ALX3: variants seen among roughly 807,000 people sequenced by gnomAD.
ALX3 encodes the protein ALX homeobox 3.
A neutral mutation model predicts 26.3 loss-of-function variants in ALX3; 17 were observed. The ratio of observed to expected loss-of-function variants is 0.65; its 90% CI spans 0.44 to 0.97. The LOEUF is 0.97. ALX3 is among the 50% of genes least tolerant of loss of function. The pLI, the probability that ALX3 is intolerant of heterozygous loss-of-function variation, is 0.00. For missense variants in ALX3, 461 were observed against 466.5 expected, an observed-to-expected ratio of 0.99 and a Z score of 0.11; for synonymous variants, 208 against 201.4, an observed-to-expected ratio of 1.03 and a Z score of -0.28.
intron 1 of ALX3, among the ~76,000 whole-genome samples, chr1:110,067,988 T>C: frequency 7.1e-6 from 1 of 140,536 alleles, no homozygotes; most frequent in Admixed American, 7.2e-5. Flanking sequence ...GCCGAGGGCG[T>C]GTTTCGACGT....
At chr1:110,062,803 C>A (rs889457279) in intron 2 of ALX3, among the ~76,000 whole-genome samples, 5 of 152,160 alleles carry the variant, frequency 3.3e-5, no homozygotes, top group African/African-American at 1.2e-4. Context: ...GCAGCAAGGT[C>A]AGCAAAAGGC....
At chr1:110,062,796 G>A (rs1221386268) in intron 2 of ALX3, among the ~76,000 whole-genome samples, 2 of 152,108 alleles carry the variant, frequency 1.3e-5, no homozygotes, top group African/African-American at 2.4e-5. Context: ...CAGGCCTGCA[G>A]CAAGGTCAGC....
chr1:110,070,626 G>A lies in ALX3; in HGVS notation c.-14C>T, dbSNP rs1653897867. ...CTCGGGGTCCATGCCGGCTCAGGGC[G>A]CACAGGCCTCCGGGGCTCCGGGGCT... On this transcript the variant is annotated 5_prime_UTR_variant, in exon 1 of 4. Transcript: ENST00000647563. 1.6e-6 allele frequency: 2 copies of A among 1,219,580 alleles called. No homozygotes were observed. The highest frequency in any genetic ancestry group is 8.7e-5 in the Admixed American group (2 of 23,042). 75.5% of individuals were successfully genotyped at this position (1,219,580 alleles called of 1,614,324 possible). A position where few individuals can be genotyped will look rare whatever the true frequency, so the allele number is the denominator to read the frequency against.
intron 1 of ALX3, 110 bp downstream of exon 1, chr1:110,070,226 A>T: frequency 1.7e-6 from 2 of 1,186,420 alleles, no homozygotes; most frequent in Non-Finnish European, 2.1e-6. Flanking sequence ...AGGGGCAAAA[A>T]GTTGAGAAAT....
At chr1:110,066,369 T>C (rs1224652391) in intron 1 of ALX3, among the ~76,000 whole-genome samples, 1 of 152,186 alleles carries the variant, frequency 6.6e-6, no homozygotes, top group African/African-American at 2.4e-5. Flanking sequence ...AGCCCACAGC[T>C]ACAGCCCAGG....
chr1:110,061,719 G>T lies in ALX3; in HGVS notation c.595-156C>A, dbSNP rs998772057. On this transcript the variant is annotated intron_variant, in intron 2 of 3. Coordinates refer to ENST00000647563, the MANE Select transcript of ALX3 (RefSeq NM_006492.3). ...TTAATCCACACTGTTCTCCAGGCCAGGGAAGCCTGGGAGGAAGCCTGGGAG... is the reference window on the plus strand; with the variant it reads ...TTAATCCACACTGTTCTCCAGGCCATGGAAGCCTGGGAGGAAGCCTGGGAG... 6 of 1,209,624 alleles carry T rather than the reference G, an allele frequency of 5.0e-6. No homozygotes were observed. In the African/African-American group the frequency reaches 9.1e-5, roughly 18 times the overall value. 74.9% of individuals were successfully genotyped at this position (1,209,624 alleles called of 1,614,324 possible).
At position 110,064,634 on chromosome 1, in the gene ALX3, G is replaced by A. The variant is rs121908168; in HGVS notation, c.547C>T (p.Arg183Trp). Residue 183 changes from arginine to tryptophan, a missense_variant, in exon 2 of 4, where the codon CGG becomes TGG. Physicochemically the swap from Arg to Trp is moderately radical, Grantham distance 101. Coordinates refer to ENST00000647563, the MANE Select transcript of ALX3 (RefSeq NM_006492.3). ...TCTGTGCGCAGGGCCAGCTGCTCCC[G>A]GGCATACACATCAGGATAGTGGGTT... ...QKTHYPDVYA[R>W]EQLALRTDLT... 4.3e-6 allele frequency: 7 copies of A among 1,614,116 alleles called. No homozygotes were observed. Among genetic ancestry groups the A allele is most frequent in the East Asian group, 2.2e-5 (1 of 44,880 alleles).
chr1:110,060,798 G>A lies in ALX3; in HGVS notation c.967C>T (p.Pro323Ser). 1 of 1,613,760 alleles carries A rather than the reference G, an allele frequency of 6.2e-7. No individual in the cohort carries two copies. The highest frequency in any genetic ancestry group is 8.5e-7 in the Non-Finnish European group (1 of 1,179,844). Reference protein sequence around the residue: ...EPSSDGDYKSPSLVSLRVKPK... With the variant: ...EPSSDGDYKSSSLVSLRVKPK... Reference sequence around the variant, plus strand: ...TTTACCCTGAGCGAGACGAGGCTTGGAGACTTATAGTCACCATCTGAGGAA... The same window carrying A: ...TTTACCCTGAGCGAGACGAGGCTTGAAGACTTATAGTCACCATCTGAGGAA... Residue 323 changes from proline (P) to serine (S), a missense_variant, in exon 4 of 4, where the codon CCA becomes TCA. Pro to Ser is a moderately conservative substitution (Grantham distance 74, BLOSUM62 -1). Around this residue, in one of 3 missense-constraint regions of ALX3, gnomAD observed 169 missense variants for 178.0 expected, o/e 0.95. Transcript: ENST00000647563.
At position 110,070,381 on chromosome 1, in the gene ALX3, C is replaced by A. The variant is rs751418045; in HGVS notation, c.232G>T (p.Gly78Cys). 4 of 1,287,044 alleles carry A rather than the reference C, an allele frequency of 3.1e-6. No homozygotes were observed. The highest frequency in any genetic ancestry group is 3.9e-6 in the Non-Finnish European group (4 of 1,017,570). The allele number at this position is 1,287,044 out of a possible 1,614,324, so 79.7% of individuals were successfully genotyped here. A position where few individuals can be genotyped will look rare whatever the true frequency, so the allele number is the denominator to read the frequency against. ...AAGTGGCCGCCGTTGAGGGCCGGGC[C>A]GGGCCCGAGGTCCTGCAGGTACTTG... ...PAKYLQDLGP[G>C]PALNGGHFYE... is the part of the protein sequence containing the mutation. The change falls in exon 1 of 4, where the codon GGC becomes TGC. Residue 78 changes from glycine to cysteine, a missense_variant. Physicochemically the swap from Gly to Cys is radical, Grantham distance 159. Coordinates refer to ENST00000647563, the MANE Select transcript of ALX3 (RefSeq NM_006492.3).
intron 1 of ALX3, among the ~76,000 whole-genome samples, chr1:110,067,448 A>AG (rs1206967460): frequency 6.6e-6 from 1 of 152,210 alleles, no homozygotes; most frequent in African/African-American, 2.4e-5. Flanking sequence ...CGTGAAAGCC[A>AG]GGAGCCTTTT....
chr1:110,061,027 C>T lies in ALX3; in HGVS notation c.738G>A (p.Leu246=), dbSNP rs1259058284. 1.2e-6 allele frequency: 2 copies of T among 1,608,912 alleles called. No homozygotes were observed. The highest frequency in any genetic ancestry group is 1.7e-6 in the Non-Finnish European group (2 of 1,178,420). The change falls in exon 4 of 4, where the codon CTG becomes CTA. Residue 246 remains leucine, a synonymous_variant. Transcript: ENST00000647563. ...GGCTCCCAGATCCTGGACTGGCCCA[C>T]AGGGAGTTCTGCAGCTGAAAAGAGA... The part of the protein sequence containing the change: ...TDSHPQLQNS[L]WASPGSGSPG...
Position 110,064,205 on chromosome 1 carries a change from C to T in ALX3, c.594+382G>A, listed in dbSNP as rs142437609. Among the ~76,000 whole-genome samples, 1,071 of 152,310 alleles carry T rather than the reference C, an allele frequency of 7.0e-3. 10 individuals are homozygous for T. Among genetic ancestry groups the T allele is most frequent in the African/African-American group, 0.016 (656 of 41,562 alleles). On this transcript the variant is annotated intron_variant, in intron 2 of 3. Coordinates refer to ENST00000647563, the MANE Select transcript of ALX3 (RefSeq NM_006492.3). ...TCACCGCTTCCAAAATGCGGCCATC[C>T]CTGTGATCCTCAGGATAGTCCCTAC...
At chr1:110,067,235 G>T (rs1282819462) in intron 1 of ALX3, among the ~76,000 whole-genome samples, 1 of 152,236 alleles carries the variant, frequency 6.6e-6, no homozygotes, top group East Asian at 1.9e-4. Flanking sequence ...CCAGCAGCTT[G>T]AACCTAAGCT....
intron 1 of ALX3, 27 bp downstream of exon 1, chr1:110,070,309 C>T (rs986846956): frequency 1.5e-6 from 2 of 1,291,742 alleles, no homozygotes; most frequent in Non-Finnish European, 2.0e-6. Context: ...GGTCGGGCTG[C>T]GCGCTACGCC....
At position 110,069,009 on chromosome 1, in the gene ALX3, G is replaced by T. The variant is rs538430259; in HGVS notation, c.277+1327C>A. 1.2e-3 allele frequency among the ~76,000 whole-genome samples: 188 copies of T among 152,320 alleles called. 1 individual carries two copies. The highest frequency in any genetic ancestry group is 4.2e-3 in the African/African-American group (176 of 41,574). ...CTAGCAGGGACGCGGGCCTGGGGGG[G>T]TGGCTCCTGCCCGACGCGGAGCGCT... On this transcript the variant is annotated intron_variant, in intron 1 of 3. Transcript: ENST00000647563.
At chr1:110,065,797 A>G (rs61785513) in intron 1 of ALX3, among the ~76,000 whole-genome samples, 24,024 of 152,254 alleles carry the variant, frequency 0.16, 2,584 homozygotes, top group Non-Finnish European at 0.24. Flanking sequence ...CCCCACTCTG[A>G]CATGCTAACC....
At chr1:110,066,371 C>T (rs116508251) in intron 1 of ALX3, among the ~76,000 whole-genome samples, 3 of 152,198 alleles carry the variant, frequency 2.0e-5, no homozygotes, top group Admixed American at 6.5e-5. Flanking sequence ...CCCACAGCTA[C>T]AGCCCAGGGA....
Position 110,070,321 on chromosome 1 carries a change from C to T in ALX3, c.277+15G>A. On this transcript the variant is annotated intron_variant, in intron 1 of 3. Transcript: ENST00000647563. ...GAGGGTCGGGCTGCGCGCTACGCCC[C>T]GCGCCGCGCGTTACCTTCCGCGGGG... The T allele has an allele frequency of 7.7e-7, 1 of 1,292,500 alleles. No individual in the cohort carries two copies. Among genetic ancestry groups the T allele is most frequent in the Non-Finnish European group, 9.8e-7 (1 of 1,019,222 alleles). The allele number at this position is 1,292,500 out of a possible 1,614,324, so 80.1% of individuals were successfully genotyped here.
intron 1 of ALX3, among the ~76,000 whole-genome samples, chr1:110,067,968 G>C (rs953690477): frequency 2.0e-5 from 3 of 151,950 alleles, no homozygotes; most frequent in African/African-American, 4.8e-5. Flanking sequence ...AACTCTAGTA[G>C]GAGTCTCTTG....
Sources: gnomAD v4.1 joint callset for allele counts (sites outside exome capture counted in the v4.1 genomes callset) on GRCh38, gnomAD v4.1.1 for gene constraint, gnomAD v4.1.1 regional missense constraint, MANE v1.5 for transcripts, NCBI Gene and HGNC (gene_info 2026-07-23, HGNC 2026-07-21) for gene names.